Variants in MUC6 observed in about 807,000 individuals in gnomAD.
MUC6 encodes the protein mucin 6, oligomeric mucus/gel-forming (gene/pseudogene), also known as mucin-6.
A neutral mutation model predicts 201.5 loss-of-function variants in MUC6; 188 were observed. That is an observed-to-expected ratio of 0.93 (90% CI 0.83 to 1.05). MUC6 has a LOEUF of 1.05. Among genes scored for constraint, MUC6 ranks in the 50% least tolerant of loss-of-function variants. The pLI is 0.00. For synonymous variants in MUC6, 1,228 were observed against 1,389.4 expected (o/e 0.88, Z 2.58); for missense variants, 2,706 against 3,256.9 (o/e 0.83, Z 4.12).
In MUC6 at chr11:1,033,118, G is replaced by A. The variant is rs566828303; in HGVS notation, c.53-43C>T. 23 of 1,590,312 alleles carry A rather than the reference G, an allele frequency of 1.4e-5. No individual in the cohort carries two copies. Among genetic ancestry groups the A allele is most frequent in the African/African-American group, 9.4e-5 (7 of 74,388 alleles). On this transcript the variant is annotated intron_variant, in intron 1 of 32. Coordinates refer to ENST00000421673, the MANE Select transcript of MUC6 (RefSeq NM_005961.3). The surrounding 1 kb of genome is among the most constrained non-coding windows in gnomAD (Gnocchi z 5.6). The stretch of plus-strand genomic sequence containing the variant: ...GCAGTCGGTGTGGGGCTACCCCGTC[G>A]TCCCTGAGGGCGCCGCTCACCTCTG...
chr11:1,029,157 G>T lies in MUC6; in HGVS notation c.1276-7C>A, dbSNP rs751560414. 1 of 1,610,188 alleles carries T rather than the reference G, an allele frequency of 6.2e-7. No homozygotes were observed. The highest frequency in any genetic ancestry group is 8.5e-7 in the Non-Finnish European group (1 of 1,178,814). On this transcript the variant is annotated splice_region_variant and splice_polypyrimidine_tract_variant and intron_variant, in intron 10 of 32. Transcript: ENST00000421673. ...CCTCGGGAAGCTGGGGGCTCTGCGA[G>T]GGGGCGGGGCTCAGACACGGGTGGG...
chr11:1,021,440 C>T (rs1335303884), intron 26 of MUC6, among the ~76,000 whole-genome samples, 163 bp from the exon 27 acceptor site: 1 of 147,696 alleles, frequency 6.8e-6, no homozygotes, highest in Admixed American at 6.9e-5. Context: ...GCACAATCTT[C>T]GCTCACTGCA....
In MUC6 at chr11:1,027,191, T is replaced by C; in HGVS notation, c.2234A>G (p.His745Arg). Reference sequence around the variant, plus strand: ...GCAACTCAGCCGCCCGTTGATGCAGTGGCTGCAAGAGAGAGGCTGCGTGAG... The same window carrying C: ...GCAACTCAGCCGCCCGTTGATGCAGCGGCTGCAAGAGAGAGGCTGCGTGAG... The part of the protein sequence containing the change: ...QSTVINGITC[H>R]CINGRLSCPQ... Residue 745 changes from histidine to arginine, a missense_variant and splice_region_variant, in exon 18 of 33, where the codon CAC becomes CGC. Physicochemically the swap from His to Arg is conservative, Grantham distance 29. Coordinates refer to ENST00000421673, the MANE Select transcript of MUC6 (RefSeq NM_005961.3). The C allele has an allele frequency of 6.2e-7, 1 of 1,612,302 alleles. No homozygotes were observed. Among genetic ancestry groups the C allele is most frequent in the African/African-American group, 1.3e-5 (1 of 75,022 alleles).
At position 1,019,282 on chromosome 11, in the gene MUC6, G is replaced by A. The variant is rs1856754045; in HGVS notation, c.4023C>T (p.Pro1341=). The change falls in exon 30 of 33, where the codon CCC becomes CCT. Residue 1341 remains proline, a synonymous_variant. Transcript: ENST00000421673. ...LPTPATSGTS[P]TLPKSTNQEL... ...CATGGCGCCATGACTTACGCAGCGTGGGGCTTGTCCCTGATGTGGCTGGGG... is the reference window on the plus strand; with the variant it reads ...CATGGCGCCATGACTTACGCAGCGTAGGGCTTGTCCCTGATGTGGCTGGGG... 1 of 1,613,898 alleles carries A rather than the reference G, an allele frequency of 6.2e-7. No individual in the cohort carries two copies. The highest frequency in any genetic ancestry group is 8.5e-7 in the Non-Finnish European group (1 of 1,179,876).
chr11:1,025,323 C>T lies in MUC6; in HGVS notation c.2844G>A (p.Gly948=). 1 of 1,612,334 alleles carries T rather than the reference C, an allele frequency of 6.2e-7. No homozygotes were observed. Among genetic ancestry groups the T allele is most frequent in the South Asian group, 1.1e-5 (1 of 91,084 alleles). The change falls in exon 23 of 33, where the codon GGG becomes GGA. Residue 948 remains glycine, a synonymous_variant. Transcript: ENST00000421673. ...CCCCGAGCTGCACGTGGGGCTCCTC[C>T]CCGGTGACCGTGTAGTTTCTGTCCG... The part of the protein sequence containing the change: ...VLADRNYTVT[G]EEPHVQLGVT...
rs748948615 is a variant in MUC6 at position 1,031,991 on chromosome 11, C to T, written c.178G>A (p.Val60Met). ...AGHFSTFDHH[V>M]YDFSGTCNYI... ...TTGCACGTCCCCGAGAAGTCGTACACGTGGTGGTCGAAGGTGGAGAAGTGA... is the reference window on the plus strand; with the variant it reads ...TTGCACGTCCCCGAGAAGTCGTACATGTGGTGGTCGAAGGTGGAGAAGTGA... The change falls in exon 3 of 33, where the codon GTG (valine) becomes ATG (methionine). Residue 60 changes from valine (V) to methionine (M), a missense_variant. Physicochemically the swap from Val to Met is conservative, Grantham distance 21. This residue lies in a region of MUC6 where 1,850 missense variants were observed against 1,958.3 expected (regional missense o/e 0.94). Coordinates refer to ENST00000421673, the MANE Select transcript of MUC6 (RefSeq NM_005961.3). The T allele has an allele frequency of 1.9e-5, 30 of 1,613,516 alleles. No homozygotes were observed. The South Asian group carries it at 1.9e-4, about 10-fold the overall frequency.
In MUC6 at chr11:1,026,327, C is replaced by A. The variant is rs199518651; in HGVS notation, c.2546G>T (p.Cys849Phe). The change falls in exon 20 of 33, where the codon TGC becomes TTC. Residue 849 changes from cysteine (C) to phenylalanine (F), a missense_variant and splice_region_variant. Physicochemically the swap from Cys to Phe is radical, Grantham distance 205 (BLOSUM62 -2). Around this residue, in one of 10 missense-constraint regions of MUC6, gnomAD observed 1,850 missense variants for 1,958.3 expected, o/e 0.94. Transcript: ENST00000421673. ...GAELHTDCRT[C>F]SCSRGRWACQ... ...CGTCTGAAGCGAGGCTTTGTCTCACCAGGTCCTGCAGTCAGTGTGGAGCTC... is the reference window on the plus strand; with the variant it reads ...CGTCTGAAGCGAGGCTTTGTCTCACAAGGTCCTGCAGTCAGTGTGGAGCTC... 4 of 1,573,108 alleles carry A rather than the reference C, an allele frequency of 2.5e-6. No individual in the cohort carries two copies. The East Asian group carries it at 6.8e-5, about 27-fold the overall frequency.
Position 1,016,048 on chromosome 11 carries a change from C to A in MUC6, c.6753G>T (p.Thr2251=), listed in dbSNP as rs556378391. 1 of 1,611,184 alleles carries A rather than the reference C, an allele frequency of 6.2e-7. No individual in the cohort carries two copies. Among genetic ancestry groups the A allele is most frequent in the Non-Finnish European group, 8.5e-7 (1 of 1,178,350 alleles). Residue 2251 remains threonine, a synonymous_variant, in exon 31 of 33, where the codon ACG becomes ACT. Transcript: ENST00000421673. ...TGTGGGTGCTGGCCGTGGTCCTGGGCGTGGACGGAAATGCAATGGTGCTGG... is the reference window on the plus strand; with the variant it reads ...TGTGGGTGCTGGCCGTGGTCCTGGGAGTGGACGGAAATGCAATGGTGCTGG... ...LASSTIAFPS[T]PRTTASTHTA...
At chr11:1,022,552 T>G (rs1856841249) in intron 26 of MUC6, among the ~76,000 whole-genome samples, 1 of 152,084 alleles carries the variant, frequency 6.6e-6, no homozygotes, top group Admixed American at 6.5e-5. Context: ...AGCCTGTGGC[T>G]CTCCCACCCC....
intron 8 of MUC6, 77 bp from the exon 9 acceptor site, chr11:1,029,692 G>A (rs1564843706): frequency 8.1e-6 from 12 of 1,478,318 alleles, no homozygotes; most frequent in African/African-American, 1.5e-5. Flanking sequence ...CCAGGGAGAC[G>A]CCCCCTCCAG....
In MUC6 at chr11:1,028,924, T is replaced by C. The variant is rs1015045924; in HGVS notation, c.1418A>G (p.Asn473Ser). 11 of 1,612,902 alleles carry C rather than the reference T, an allele frequency of 6.8e-6. No homozygotes were observed. The East Asian group carries it at 2.2e-4, about 33-fold the overall frequency. ...IVISQDEVVT[N>S]NGEAKWLPYK... ...TGGCAGCCACTTGGCTTCTCCGTTG[T>C]TGGTGACCACCTCGTCCTGAGAGAT... The change falls in exon 12 of 33, where the codon AAC (asparagine) becomes AGC (serine). Residue 473 changes from asparagine to serine, a missense_variant. By Grantham distance (46) the Asn-to-Ser change is conservative. This residue lies in a region of MUC6 where 1,850 missense variants were observed against 1,958.3 expected (regional missense o/e 0.94). Transcript: ENST00000421673.
At chr11:1,032,138 C>A in intron 2 of MUC6, 85 bp from the exon 3 acceptor site, 1 of 1,530,084 alleles carries the variant, frequency 6.5e-7, no homozygotes, top group South Asian at 1.2e-5. Flanking sequence ...GGTCACTCGT[C>A]TCCCTGGGCC....
intron 24 of MUC6, among the ~76,000 whole-genome samples, chr11:1,024,421 A>G (rs1856901289): frequency 1.3e-5 from 2 of 152,204 alleles, no homozygotes; most frequent in African/African-American, 2.4e-5. Flanking sequence ...TCAGCGGGCC[A>G]GTGCCATGCT....
chr11:1,029,854 GC>G (rs1857059808), intron 8 of MUC6, among the ~76,000 whole-genome samples: 1 of 152,226 alleles, frequency 6.6e-6, no homozygotes, highest in Non-Finnish European at 1.5e-5. Context: ...GGCGTGCACA[GC>G]CCCTCGTGCC....
rs758487393 is a variant in MUC6 at position 1,025,011 on chromosome 11, C to A, written c.3058G>T (p.Val1020Leu). The change falls in exon 24 of 33, where the codon GTG becomes TTG. Residue 1020 changes from valine (V) to leucine (L), a missense_variant. Physicochemically the swap from Val to Leu is conservative, Grantham distance 32. Around this residue, in one of 10 missense-constraint regions of MUC6, gnomAD observed 1,850 missense variants for 1,958.3 expected, o/e 0.94. Transcript: ENST00000421673. Reference sequence around the variant, plus strand: ...ACCAACTCCAGCTCGCTGGATGCCACGTACCTGCTGCGCGTCTCGAAGTCG... The same window carrying A: ...ACCAACTCCAGCTCGCTGGATGCCAAGTACCTGCTGCGCGTCTCGAAGTCG... Reference protein sequence around the residue: ...KDDFETRSRYVASSELELVNS... With the variant: ...KDDFETRSRYLASSELELVNS... The A allele has an allele frequency of 6.2e-7, 1 of 1,612,996 alleles. No homozygotes were observed. The highest frequency in any genetic ancestry group is 8.5e-7 in the Non-Finnish European group (1 of 1,179,848).
At chr11:1,019,142 C>T (rs1432495411) in intron 30 of MUC6, 133 bp downstream of exon 30, 20 of 1,093,498 alleles carry the variant, frequency 1.8e-5, no homozygotes, top group East Asian at 5.2e-5. Context: ...CTCCAGCCTA[C>T]ACTTTTGGGC....
intron 19 of MUC6, 112 bp from the exon 20 acceptor site, chr11:1,026,590 A>T (rs1856966102): frequency 3.2e-6 from 4 of 1,261,828 alleles, no homozygotes; most frequent in Admixed American, 3.0e-5. Context: ...CTCCCTGAAT[A>T]CAGCCCTGCT....
At chr11:1,030,441 G>A in intron 7 of MUC6, 106 bp from the exon 8 acceptor site, 1 of 1,283,832 alleles carries the variant, frequency 7.8e-7, no homozygotes, top group Admixed American at 2.6e-5. Flanking sequence ...CCATCTAGAA[G>A]CAGCAGCGAG....
Position 1,016,266 on chromosome 11 carries a change from AC to A in MUC6, c.6534del (p.Ser2179HisfsTer63), listed in dbSNP as rs1856607369. 1 of 1,612,728 alleles carries A rather than the reference AC, an allele frequency of 6.2e-7. No individual in the cohort carries two copies. Among genetic ancestry groups the A allele is most frequent in the African/African-American group, 1.3e-5 (1 of 74,768 alleles). ...APVHSTTLSS[G>X]SHSSLSTHPT... is the part of the protein sequence containing the mutation. ...GGATGAGTGGACAATGAGGAGTGTG[AC>A]CCCGAGCTCAGGGTTGTGGAGTGCA... On this transcript the variant is annotated frameshift_variant, in exon 31 of 33. Transcript: ENST00000421673. LOFTEE classifies it high-confidence loss of function.
Sources: gnomAD v4.1 joint callset for allele counts (sites outside exome capture counted in the v4.1 genomes callset) on GRCh38, gnomAD v4.1.1 for gene constraint, gnomAD v4.1.1 regional missense constraint, Gnocchi (gnomAD v3.1) non-coding constraint, MANE v1.5 for transcripts, NCBI Gene and HGNC (gene_info 2026-07-23, HGNC 2026-07-21) for gene names.